Variants in IMMP2L observed in about 807,000 individuals in gnomAD.
IMMP2L encodes the protein inner mitochondrial membrane peptidase subunit 2, also known as mitochondrial inner membrane protease subunit 2.
IMMP2L carries 18 observed loss-of-function variants against 19.3 expected under a neutral mutation model. The ratio of observed to expected loss-of-function variants is 0.93; its 90% CI spans 0.64 to 1.38. IMMP2L has a LOEUF of 1.38. Among genes scored for constraint, IMMP2L ranks in the 40% most tolerant of loss-of-function variants. IMMP2L has a pLI of 0.00. For missense variants in IMMP2L, 233 were observed against 218.2 expected (o/e 1.07, Z -0.43); for synonymous variants, 76 against 73.0 (o/e 1.04, Z -0.21).
chr7:110,668,871 A>G (rs1167299576), intron 5 of IMMP2L, among the ~76,000 whole-genome samples: 1 of 151,992 alleles, frequency 6.6e-6, no homozygotes, highest in Non-Finnish European at 1.5e-5. Flanking sequence ...TAAAATTGAT[A>G]TGTCTATAGG....
intron 3 of IMMP2L, among the ~76,000 whole-genome samples, chr7:111,260,054 T>A (rs1238809368): frequency 6.6e-6 from 1 of 152,188 alleles, no homozygotes; most frequent in Non-Finnish European, 1.5e-5. Flanking sequence ...TGCCTAAGGC[T>A]GTTTTACTAT....
At chr7:110,768,749 C>T (rs568874251) in intron 5 of IMMP2L, among the ~76,000 whole-genome samples, 9 of 152,228 alleles carry the variant, frequency 5.9e-5, no homozygotes, top group East Asian at 1.9e-4. Context: ...TCGTTTTAAG[C>T]TTTAGTATCA....
At chr7:111,113,520 A>G (rs1270338993) in intron 3 of IMMP2L, among the ~76,000 whole-genome samples, 1 of 152,076 alleles carries the variant, frequency 6.6e-6, no homozygotes, top group Non-Finnish European at 1.5e-5. Context: ...CAATCACTTC[A>G]TTTATTTTTT....
At chr7:111,339,142 A>T (rs911025045) in intron 3 of IMMP2L, among the ~76,000 whole-genome samples, 1 of 152,094 alleles carries the variant, frequency 6.6e-6, no homozygotes, top group Non-Finnish European at 1.5e-5. Context: ...TGAATTATAT[A>T]ATAGAAATAT....
At chr7:110,682,350 T>C (rs997940735) in intron 5 of IMMP2L, among the ~76,000 whole-genome samples, 1 of 152,188 alleles carries the variant, frequency 6.6e-6, no homozygotes, top group African/African-American at 2.4e-5. Context: ...ATAATTATCA[T>C]ACTGGGCAGT....
chr7:111,494,832 C>A (rs1213493648), intron 2 of IMMP2L, among the ~76,000 whole-genome samples: 3 of 152,052 alleles, frequency 2.0e-5, no homozygotes, highest in African/African-American at 7.2e-5. Flanking sequence ...AGTATCCTTT[C>A]CACAAGATTT....
chr7:111,395,114 C>G (rs1832737401), intron 3 of IMMP2L: 1 of 158,932 alleles, frequency 6.3e-6, no homozygotes. Context: ...CAGCAGGAAG[C>G]AGAGGGCAGC....
rs267601235 is a variant in IMMP2L at position 111,123,423 on chromosome 7, G to T, written c.240-159858C>A. On this transcript the variant is annotated intron_variant, in intron 3 of 5. Transcript: ENST00000405709. The surrounding 1 kb of genome is among the most constrained non-coding windows in gnomAD (Gnocchi z 6.4). ...AGCCTCTTATCAATCTTCGCAGCCTGGTTATAGCTGGTATAAACCTCACAG... is the reference window on the plus strand; with the variant it reads ...AGCCTCTTATCAATCTTCGCAGCCTTGTTATAGCTGGTATAAACCTCACAG... 1.7e-5 allele frequency: 27 copies of T among 1,613,370 alleles called. No homozygotes were observed. The highest frequency in any genetic ancestry group is 2.2e-5 in the Non-Finnish European group (26 of 1,179,840).
chr7:110,808,896 C>A (rs1337717375), intron 5 of IMMP2L, among the ~76,000 whole-genome samples: 1 of 152,030 alleles, frequency 6.6e-6, no homozygotes, highest in African/African-American at 2.4e-5. Flanking sequence ...TTATGGGTGT[C>A]ATGATTCATA....
chr7:111,223,206 TTGGTAGTGA>T (rs1207788146), intron 3 of IMMP2L, among the ~76,000 whole-genome samples: 1 of 152,014 alleles, frequency 6.6e-6, no homozygotes, highest in Non-Finnish European at 1.5e-5. Flanking sequence ...TAATTAACTC[TTGGTAGTGA>T]TGGACACAGC....
chr7:110,954,009 G>T (rs998720388), intron 4 of IMMP2L, among the ~76,000 whole-genome samples: 1 of 152,022 alleles, frequency 6.6e-6, no homozygotes, highest in East Asian at 1.9e-4. Flanking sequence ...CTTTTTGATG[G>T]TGTTGTTTGC....
intron 3 of IMMP2L, chr7:111,411,645 TC>T: frequency 4.0e-6 from 1 of 251,106 alleles, no homozygotes; most frequent in Non-Finnish European, 8.1e-6. Flanking sequence ...TGTAAATCTG[TC>T]CACCATTGCA....
chr7:110,825,415 C>T (rs1252657702), intron 5 of IMMP2L, among the ~76,000 whole-genome samples: 2 of 152,180 alleles, frequency 1.3e-5, no homozygotes, highest in Admixed American at 6.6e-5. Flanking sequence ...CTGGAGGCAT[C>T]ATGCTACCTG....
chr7:111,474,182 GA>G (rs1841516889), intron 3 of IMMP2L, among the ~76,000 whole-genome samples: 1 of 151,896 alleles, frequency 6.6e-6, no homozygotes, highest in Non-Finnish European at 1.5e-5. Flanking sequence ...AGTGGGGAGG[GA>G]AAAAGGGGGA....
intron 3 of IMMP2L, among the ~76,000 whole-genome samples, chr7:111,072,230 T>A (rs190762969): frequency 2.6e-5 from 4 of 152,326 alleles, no homozygotes; most frequent in African/African-American, 9.6e-5. Context: ...TACAACATCA[T>A]AATAGTACTT....
At chr7:111,421,022 A>G (rs1232843783) in intron 3 of IMMP2L, among the ~76,000 whole-genome samples, 1 of 151,852 alleles carries the variant, frequency 6.6e-6, no homozygotes, top group Non-Finnish European at 1.5e-5. Flanking sequence ...CAGTCCCACC[A>G]ACAGTGTAAA....
At chr7:110,715,287 TTA>T (rs1321132813) in intron 5 of IMMP2L, among the ~76,000 whole-genome samples, 3 of 152,126 alleles carry the variant, frequency 2.0e-5, no homozygotes, top group Non-Finnish European at 4.4e-5. Flanking sequence ...CTGATTTTAG[TTA>T]TTTCTTTTCT....
chr7:110,963,030 T>G, intron 4 of IMMP2L: 1 of 1,525,912 alleles, frequency 6.6e-7, no homozygotes, highest in South Asian at 1.2e-5. Flanking sequence ...ATCTAAAGCT[T>G]TCATTCTTGT....
intron 3 of IMMP2L, among the ~76,000 whole-genome samples, chr7:111,003,025 G>A (rs1823875694): frequency 6.6e-6 from 1 of 152,064 alleles, no homozygotes; most frequent in South Asian, 2.1e-4. Flanking sequence ...TCCTCTAGTT[G>A]ACATAGATAT....
Sources: gnomAD v4.1 joint callset for allele counts (sites outside exome capture counted in the v4.1 genomes callset) on GRCh38, gnomAD v4.1.1 for gene constraint, Gnocchi (gnomAD v3.1) non-coding constraint, MANE v1.5 for transcripts, NCBI Gene and HGNC (gene_info 2026-07-23, HGNC 2026-07-21) for gene names.